CABIN1: variants seen among roughly 807,000 people sequenced by gnomAD.
CABIN1 encodes the protein calcineurin binding protein 1, also known as calcineurin-binding protein cabin-1.
A neutral mutation model predicts 227.7 loss-of-function variants in CABIN1; 133 were observed. The observed-to-expected ratio is 0.58, with a 90% CI of 0.51 to 0.67. CABIN1 has a LOEUF of 0.67. Among genes scored for constraint, CABIN1 ranks in the 30% least tolerant of loss-of-function variants. CABIN1 has a pLI of 0.00. For missense variants in CABIN1, 2,408 were observed against 2,852.5 expected, an observed-to-expected ratio of 0.84 and a Z score of 3.55; for synonymous variants, 1,086 against 1,155.1, an observed-to-expected ratio of 0.94 and a Z score of 1.21.
intron 1 of CABIN1, among the ~76,000 whole-genome samples, chr22:24,027,375 G>A (rs2036169770): frequency 1.3e-5 from 2 of 152,038 alleles, no homozygotes; most frequent in African/African-American, 4.8e-5. Flanking sequence ...TATTTTTCTT[G>A]CCTTAACGTA....
At chr22:24,055,262 T>C in intron 9 of CABIN1, 103 bp downstream of exon 9, 1 of 1,334,570 alleles carries the variant, frequency 7.5e-7, no homozygotes, top group African/African-American at 1.5e-5. Flanking sequence ...AGAAGGGTCA[T>C]GCTGATGCTC....
chr22:24,090,725 T>C (rs1452656781), intron 23 of CABIN1, among the ~76,000 whole-genome samples: 1 of 152,074 alleles, frequency 6.6e-6, no homozygotes, highest in Non-Finnish European at 1.5e-5. Flanking sequence ...TGCCAGAGAC[T>C]AGTGCCTGCA....
At chr22:24,051,727 T>C (rs1028293088) in intron 8 of CABIN1, among the ~76,000 whole-genome samples, 10 of 152,030 alleles carry the variant, frequency 6.6e-5, no homozygotes, top group African/African-American at 2.4e-4. Flanking sequence ...TGCTGTGAAT[T>C]GGATGACTCT....
chr22:24,144,330 ACT>A lies in CABIN1; in HGVS notation c.4746+9920_4746+9921del, dbSNP rs552665708. ...TCCTCCTTGCCTCTCCAGGAGGTGG[ACT>A]CTCTTGTCCCTCCCTTGCTTTCACC... On this transcript the variant is annotated intron_variant, in intron 29 of 36. Coordinates refer to ENST00000263119, the MANE Select transcript of CABIN1 (RefSeq NM_012295.4). Among the ~76,000 whole-genome samples, 14 of 152,126 alleles carry A rather than the reference ACT, an allele frequency of 9.2e-5. No homozygotes were observed. In the East Asian group the frequency reaches 2.5e-3, roughly 27 times the overall value.
chr22:24,094,786 C>T (rs1262087333), intron 24 of CABIN1, among the ~76,000 whole-genome samples: 5 of 145,492 alleles, frequency 3.4e-5, no homozygotes, highest in African/African-American at 7.6e-5. Context: ...CACTGCAGTC[C>T]GCAGTCCGGC....
At chr22:24,046,421 G>A (rs771382986) in intron 6 of CABIN1, among the ~76,000 whole-genome samples, 2 of 152,154 alleles carry the variant, frequency 1.3e-5, no homozygotes, top group Non-Finnish European at 2.9e-5. Context: ...GTACAGGGCT[G>A]TGTTTTGACT....
At chr22:24,043,881 C>T (rs561654885) in intron 6 of CABIN1, among the ~76,000 whole-genome samples, 6 of 152,304 alleles carry the variant, frequency 3.9e-5, no homozygotes, top group African/African-American at 1.4e-4. Flanking sequence ...AATGTGCTTC[C>T]AAAATATAAT....
At chr22:24,071,614 A>C (rs1455710035) in intron 17 of CABIN1, among the ~76,000 whole-genome samples, 1 of 151,434 alleles carries the variant, frequency 6.6e-6, no homozygotes, top group Non-Finnish European at 1.5e-5. Flanking sequence ...GGCCACTGCT[A>C]CTCTTGCTTG....
At chr22:24,044,236 G>C (rs951183153) in intron 6 of CABIN1, among the ~76,000 whole-genome samples, 16 of 152,224 alleles carry the variant, frequency 1.1e-4, no homozygotes, top group African/African-American at 3.4e-4. Flanking sequence ...GGGAGTGGCG[G>C]CTCAGATGAT....
intron 10 of CABIN1, among the ~76,000 whole-genome samples, chr22:24,058,132 A>G (rs527628818): frequency 2.0e-5 from 3 of 152,296 alleles, no homozygotes; most frequent in Admixed American, 2.0e-4. Context: ...CCTGGACTCA[A>G]GGGATCCTCC....
At chr22:24,156,509 C>T (rs1371872184) in intron 29 of CABIN1, 1 of 161,554 alleles carries the variant, frequency 6.2e-6, no homozygotes, top group Non-Finnish European at 1.3e-5. Context: ...AAGCGAAAGC[C>T]GCCCGCCAGA....
chr22:24,156,752 G>A (rs1055375113), intron 29 of CABIN1, among the ~76,000 whole-genome samples: 2 of 152,178 alleles, frequency 1.3e-5, no homozygotes, highest in Non-Finnish European at 1.5e-5. Context: ...GAGGTTAGGG[G>A]TAACGGTTGC....
intron 1 of CABIN1, among the ~76,000 whole-genome samples, chr22:24,026,483 G>A (rs2036097660): frequency 6.6e-6 from 1 of 152,092 alleles, no homozygotes. Flanking sequence ...AGGTTTCAAG[G>A]ATTTTCTCCT....
chr22:24,035,366 G>GT, intron 1 of CABIN1, 78 bp from the exon 2 acceptor site: 1 of 961,516 alleles, frequency 1.0e-6, no homozygotes, highest in South Asian at 1.3e-5. Flanking sequence ...GGAAGGACTG[G>GT]TTCCTGGTGG....
rs549179527 is a variant in CABIN1 at position 24,112,815 on chromosome 22, G to T, written c.4118-751G>T. On this transcript the variant is annotated intron_variant, in intron 26 of 36. Coordinates refer to ENST00000263119, the MANE Select transcript of CABIN1 (RefSeq NM_012295.4). ...GTGGGTCTTCACCTGTACCCTGAAAGCAACAAGGTTTCCTCCCCCACCTCC... is the reference window on the plus strand; with the variant it reads ...GTGGGTCTTCACCTGTACCCTGAAATCAACAAGGTTTCCTCCCCCACCTCC... Among the ~76,000 whole-genome samples, 6 of 152,240 alleles carry T rather than the reference G, an allele frequency of 3.9e-5. No individual in the cohort carries two copies. The South Asian group carries it at 1.2e-3, about 32-fold the overall frequency.
rs769448175 is a variant in CABIN1 at position 24,178,213 on chromosome 22, C to T, written c.*17C>T. On this transcript the variant is annotated 3_prime_UTR_variant, in exon 37 of 37. Transcript: ENST00000263119. ...GACATTTGAGGGGCCACTGCAGCCC[C>T]ACCGCCACGCCCCAGGGGACCAGCC... is the stretch of plus-strand genomic sequence containing the variant. 1.1e-5 allele frequency: 18 copies of T among 1,612,336 alleles called. No individual in the cohort carries two copies. Among genetic ancestry groups the T allele is most frequent in the Non-Finnish European group, 1.5e-5 (18 of 1,179,788 alleles).
chr22:24,070,454 G>T (rs550261849), intron 16 of CABIN1, among the ~76,000 whole-genome samples: 1 of 152,378 alleles, frequency 6.6e-6, no homozygotes, highest in South Asian at 2.1e-4. Context: ...TGGGCACAGT[G>T]GCTCTGGGGA....
At chr22:24,019,631 G>A (rs1019416703) in intron 1 of CABIN1, among the ~76,000 whole-genome samples, 3 of 144,320 alleles carry the variant, frequency 2.1e-5, no homozygotes, top group East Asian at 4.2e-4. Context: ...TCTACAATTA[G>A]TGATAGCTTT....
At chr22:24,048,469 A>G (rs1365378805) in intron 6 of CABIN1, among the ~76,000 whole-genome samples, 7 of 152,054 alleles carry the variant, frequency 4.6e-5, no homozygotes, top group Admixed American at 3.3e-4. Flanking sequence ...TGCCCAGGCT[A>G]GAGTACGGTG....
Sources: gnomAD v4.1 joint callset for allele counts (sites outside exome capture counted in the v4.1 genomes callset) on GRCh38, gnomAD v4.1.1 for gene constraint, MANE v1.5 for transcripts, NCBI Gene and HGNC (gene_info 2026-07-23, HGNC 2026-07-21) for gene names.